The following RABGAP1L variants were observed in gnomAD, a reference collection of about 807,000 sequenced individuals.
The protein encoded by RABGAP1L is RAB GTPase activating protein 1 like.
A neutral mutation model predicts 137.7 loss-of-function variants in RABGAP1L; 63 were observed. The observed-to-expected ratio is 0.46, with a 90% CI of 0.37 to 0.56. The LOEUF (loss-of-function observed/expected upper bound fraction) is 0.56. Among genes scored for constraint, RABGAP1L ranks in the 20% least tolerant of loss-of-function variants. The pLI, the probability that RABGAP1L is intolerant of heterozygous loss-of-function variation, is 0.00. For missense variants in RABGAP1L, 1,095 were observed against 1,244.0 expected, an observed-to-expected ratio of 0.88 and a Z score of 1.80; for synonymous variants, 431 against 433.7, an observed-to-expected ratio of 0.99 and a Z score of 0.08.
Position 174,220,980 on chromosome 1 carries a change from T to C in RABGAP1L, c.147T>C (p.Ser49=). 1 of 1,608,982 alleles carries C rather than the reference T, an allele frequency of 6.2e-7. No individual in the cohort carries two copies. The highest frequency in any genetic ancestry group is 2.2e-5 in the East Asian group (1 of 44,636). ...HEEKPQLKIV[S]NGDEQLEKAM... ...TCTTGCTGTGTCTGTAGATAGTTTC[T>C]AATGGTGATGAACAATTGGAAAAAG... is the stretch of plus-strand genomic sequence containing the variant. Residue 49 remains serine (S), a synonymous_variant, in exon 3 of 26, where the codon TCT becomes TCC. Transcript: ENST00000681986.
At chr1:174,503,016 GCATA>G (rs1661467190) in intron 13 of RABGAP1L, among the ~76,000 whole-genome samples, 1 of 152,140 alleles carries the variant, frequency 6.6e-6, no homozygotes, top group African/African-American at 2.4e-5. Context: ...ATGTGCTTGT[GCATA>G]CATACATATG....
intron 5 of RABGAP1L, chr1:174,244,254 G>A (rs1466108152): frequency 6.6e-6 from 1 of 152,230 alleles, no homozygotes; most frequent in East Asian, 1.9e-4. Flanking sequence ...AGTATGTACT[G>A]TGCAGCAATG....
chr1:174,243,978 G>C (rs1672045283), intron 5 of RABGAP1L, among the ~76,000 whole-genome samples: 2 of 152,314 alleles, frequency 1.3e-5, no homozygotes, highest in Admixed American at 1.3e-4. Context: ...TGGTAACATA[G>C]CTTGCATTCC....
At position 174,220,023 on chromosome 1, in the gene RABGAP1L, A is replaced by T. The variant is rs115639968; in HGVS notation, c.138+728A>T. Among the ~76,000 whole-genome samples, 1,357 of 152,294 alleles carry T rather than the reference A, an allele frequency of 8.9e-3. 21 individuals carry two copies. The highest frequency in any genetic ancestry group is 0.031 in the African/African-American group (1,303 of 41,566). On this transcript the variant is annotated intron_variant, in intron 2 of 25. Coordinates refer to ENST00000681986, the MANE Select transcript of RABGAP1L (RefSeq NM_001366446.1). ...ATGAGATTACTAAATGTTTATGTTG[A>T]GAATATATTGTTTTATAATTTTATT...
At chr1:174,895,394 A>G (rs1480667615) in intron 19 of RABGAP1L, among the ~76,000 whole-genome samples, 1 of 151,134 alleles carries the variant, frequency 6.6e-6, no homozygotes, top group African/African-American at 2.4e-5. Flanking sequence ...CCAGGGTGAA[A>G]TGGCATTCAG....
At chr1:174,787,243 A>G (rs912414613) in intron 18 of RABGAP1L, among the ~76,000 whole-genome samples, 3 of 152,062 alleles carry the variant, frequency 2.0e-5, no homozygotes, top group Non-Finnish European at 4.4e-5. Flanking sequence ...TCTCTACTAA[A>G]AAAACAAAAA....
intron 19 of RABGAP1L, among the ~76,000 whole-genome samples, chr1:174,956,173 G>A (rs1026670095): frequency 1.3e-5 from 2 of 152,060 alleles, no homozygotes; most frequent in Admixed American, 1.3e-4. Flanking sequence ...CTATTTTATA[G>A]ATGAAGAAAC....
chr1:174,325,991 C>T (rs1455080282), intron 11 of RABGAP1L, among the ~76,000 whole-genome samples: 2 of 152,224 alleles, frequency 1.3e-5, no homozygotes, highest in Admixed American at 6.5e-5. Flanking sequence ...CATTGTGAGA[C>T]TCGTGTCTAA....
At chr1:174,221,721 C>G (rs1003132076) in intron 3 of RABGAP1L, among the ~76,000 whole-genome samples, 5 of 152,142 alleles carry the variant, frequency 3.3e-5, no homozygotes, top group African/African-American at 1.2e-4. Flanking sequence ...ATAATTTGAT[C>G]TAGGCTCTGA....
intron 13 of RABGAP1L, among the ~76,000 whole-genome samples, chr1:174,524,467 A>G (rs1275931672): frequency 6.6e-6 from 1 of 151,590 alleles, no homozygotes; most frequent in Non-Finnish European, 1.5e-5. Context: ...AGAATTGTCT[A>G]TTTGTGTCAT....
intron 13 of RABGAP1L, among the ~76,000 whole-genome samples, chr1:174,629,797 T>A (rs1439738928): frequency 6.6e-6 from 1 of 152,350 alleles, no homozygotes; most frequent in African/African-American, 2.4e-5. Context: ...GTGCTGGGAT[T>A]ACAGGCGTGA....
intron 18 of RABGAP1L, among the ~76,000 whole-genome samples, chr1:174,790,718 C>T (rs935550058): frequency 2.0e-5 from 3 of 151,138 alleles, no homozygotes; most frequent in Admixed American, 6.6e-5. Flanking sequence ...GCGGCAAAAA[C>T]GGTGCAGAGG....
intron 13 of RABGAP1L, among the ~76,000 whole-genome samples, chr1:174,527,070 G>C (rs866590809): frequency 4.5e-4 from 68 of 152,064 alleles, no homozygotes; most frequent in African/African-American, 1.6e-3. Context: ...CCATCTGAAT[G>C]TTTTTATTGA....
At chr1:174,781,513 G>T (rs2148765127) in intron 18 of RABGAP1L, among the ~76,000 whole-genome samples, 1 of 152,250 alleles carries the variant, frequency 6.6e-6, no homozygotes, top group South Asian at 2.1e-4. Flanking sequence ...CCATTCTGTA[G>T]GTTGCCTGTT....
chr1:174,868,722 A>T (rs1651702345), intron 19 of RABGAP1L, among the ~76,000 whole-genome samples: 1 of 152,068 alleles, frequency 6.6e-6, no homozygotes, highest in Admixed American at 6.6e-5. Context: ...ATGAGAGGTA[A>T]TTGATTAAAT....
chr1:174,478,695 G>T (rs1031110675), intron 13 of RABGAP1L, among the ~76,000 whole-genome samples: 2 of 152,166 alleles, frequency 1.3e-5, no homozygotes, highest in African/African-American at 4.8e-5. Flanking sequence ...ATTTATAAAT[G>T]AATAAGTTCT....
chr1:174,833,408 G>GTGTGTGTGTGTGTATA (rs754029582), intron 19 of RABGAP1L, among the ~76,000 whole-genome samples: 4 of 67,682 alleles, frequency 5.9e-5, no homozygotes, highest in East Asian at 4.0e-4. Context: ...GTGTATGTGT[G>GTGTGTGTGTGTGTATA]TATGTGTGTG....
At chr1:174,454,195 G>A (rs572054419) in intron 13 of RABGAP1L, among the ~76,000 whole-genome samples, 3 of 152,024 alleles carry the variant, frequency 2.0e-5, no homozygotes, top group South Asian at 2.1e-4. Context: ...CCCGGGAGGC[G>A]GAGGTTGCAG....
At chr1:174,276,071 A>C (rs2148670827) in intron 9 of RABGAP1L, 136 bp downstream of exon 9, 1 of 602,634 alleles carries the variant, frequency 1.7e-6, no homozygotes, top group East Asian at 3.1e-5. Context: ...GTTCATTTTT[A>C]TTCTTTATGC....
Sources: allele counts gnomAD v4.1 joint callset (sites outside exome capture counted in the v4.1 genomes callset), GRCh38; gene constraint gnomAD v4.1.1; transcripts MANE v1.5; gene names NCBI Gene and HGNC (gene_info 2026-07-23, HGNC 2026-07-21).